Variants in SF3B6 observed in about 807,000 individuals in gnomAD.
The protein encoded by SF3B6 is SF3b 14 kDa subunit.
A neutral mutation model predicts 15.9 loss-of-function variants in SF3B6; 3 were observed. The observed-to-expected ratio is 0.19, with a 90% CI of 0.09 to 0.49. The LOEUF (loss-of-function observed/expected upper bound fraction) is 0.49. Among genes scored for constraint, SF3B6 ranks in the 20% least tolerant of loss-of-function variants. The pLI is 0.97. For synonymous variants in SF3B6, 49 were observed against 51.1 expected, an observed-to-expected ratio of 0.96 and a Z score of 0.18; for missense variants, 71 against 154.3, an observed-to-expected ratio of 0.46 and a Z score of 2.86.
intron 1 of SF3B6, among the ~76,000 whole-genome samples, chr2:24,074,808 T>TA (rs1664705590): frequency 1.3e-5 from 2 of 152,204 alleles, no homozygotes; most frequent in African/African-American, 4.8e-5. Flanking sequence ...GGCATAAAGA[T>TA]ACACCTATAT....
chr2:24,068,258 C>G, intron 3 of SF3B6, 63 bp downstream of exon 3: 1 of 1,523,850 alleles, frequency 6.6e-7, no homozygotes, highest in Non-Finnish European at 8.9e-7. Context: ...CCACCGCGCC[C>G]GGCCAGTTCT....
At chr2:24,068,052 C>T (rs1424715986) in intron 3 of SF3B6, among the ~76,000 whole-genome samples, 3 of 152,114 alleles carry the variant, frequency 2.0e-5, no homozygotes, top group Non-Finnish European at 4.4e-5. Flanking sequence ...AGGCTCCACC[C>T]CCTGGGGTTC....
At chr2:24,074,246 T>C (rs766902243) in intron 1 of SF3B6, 52 bp from the exon 2 acceptor site, 2 of 961,838 alleles carry the variant, frequency 2.1e-6, no homozygotes, top group Non-Finnish European at 3.2e-6. Flanking sequence ...TCTAAAAAAT[T>C]ATAATTTAAA....
intron 1 of SF3B6, among the ~76,000 whole-genome samples, chr2:24,074,609 C>T (rs1455608565): frequency 6.6e-6 from 1 of 152,132 alleles, no homozygotes; most frequent in Admixed American, 6.5e-5. Context: ...CTGCCCATCC[C>T]AGGAGATGAC....
intron 2 of SF3B6, among the ~76,000 whole-genome samples, chr2:24,070,654 G>C (rs921917249): frequency 5.3e-5 from 8 of 152,160 alleles, no homozygotes; most frequent in Non-Finnish European, 1.2e-4. Context: ...ATCCTGATTT[G>C]ACTGGGACTG....
chr2:24,069,143 G>A (rs569521966), intron 2 of SF3B6, among the ~76,000 whole-genome samples: 3 of 152,298 alleles, frequency 2.0e-5, no homozygotes, highest in East Asian at 1.9e-4. Context: ...CACCACACCC[G>A]GTCTACATTC....
At chr2:24,071,478 G>C (rs1664650581) in intron 2 of SF3B6, among the ~76,000 whole-genome samples, 1 of 152,136 alleles carries the variant, frequency 6.6e-6, no homozygotes, top group Non-Finnish European at 1.5e-5. Flanking sequence ...GCTGGTGGGT[G>C]CCTGTAATCT....
intron 3 of SF3B6, 107 bp from the exon 4 acceptor site, chr2:24,067,958 A>G (rs375217052): frequency 2.1e-5 from 19 of 899,986 alleles, no homozygotes; most frequent in Middle Eastern, 2.5e-4. Context: ...ATATCATCAC[A>G]GTACAGTTCT....
intron 2 of SF3B6, 55 bp from the exon 3 acceptor site, chr2:24,068,514 T>G: frequency 6.7e-7 from 1 of 1,489,974 alleles, no homozygotes; most frequent in South Asian, 1.3e-5. Context: ...GCATTGATAG[T>G]TGACTTACAG....
intron 2 of SF3B6, among the ~76,000 whole-genome samples, chr2:24,072,819 T>C (rs1037089972): frequency 1.5e-4 from 23 of 152,186 alleles, no homozygotes; most frequent in African/African-American, 5.5e-4. Flanking sequence ...AGGCCTGAAG[T>C]AGAATCTTGT....
At chr2:24,074,260 C>A in intron 1 of SF3B6, 66 bp from the exon 2 acceptor site, 1 of 782,216 alleles carries the variant, frequency 1.3e-6, no homozygotes, top group Non-Finnish European at 2.1e-6. Flanking sequence ...ATTTAAATGC[C>A]CCTATAATTA....
chr2:24,075,582 GTT>G (rs3030919), intron 1 of SF3B6, among the ~76,000 whole-genome samples: 12,701 of 140,110 alleles, frequency 0.091, 1,426 homozygotes, highest in African/African-American at 0.28. Flanking sequence ...TCTTTTTTGA[GTT>G]TTTTTTTTTT....
In SF3B6 at chr2:24,067,613, C is replaced by A; in HGVS notation, c.*149G>T. 7 of 617,874 alleles carry A rather than the reference C, an allele frequency of 1.1e-5. No individual in the cohort carries two copies. Among genetic ancestry groups the A allele is most frequent in the Non-Finnish European group, 1.7e-5 (6 of 357,644 alleles). 38.3% of individuals were successfully genotyped at this position (617,874 alleles called of 1,614,324 possible). A position where few individuals can be genotyped will look rare whatever the true frequency, so the allele number is the denominator to read the frequency against. ...TCACAAAAAGCTACAAGTTTATTAA[C>A]ATAATGTATTCCAATATGTATCAAA... On this transcript the variant is annotated 3_prime_UTR_variant, in exon 4 of 4. Transcript: ENST00000233468.
At position 24,068,410 on chromosome 2, in the gene SF3B6, T is replaced by TGG; in HGVS notation, c.198_199insCC (p.Ile67ProfsTer45). ...TCACATGCATTCTTGGCATCAAAGATGTCCTCATAGACCACATAAGCTGTT... is the reference window on the plus strand; with the variant it reads ...TCACATGCATTCTTGGCATCAAAGATGGGTCCTCATAGACCACATAAGCTGTT... On this transcript the variant is annotated frameshift_variant, in exon 3 of 4. Transcript: ENST00000233468. LOFTEE classifies it high-confidence loss of function. 6.2e-7 allele frequency: 1 copy of TGG among 1,614,212 alleles called. No homozygotes were observed. The highest frequency in any genetic ancestry group is 8.5e-7 in the Non-Finnish European group (1 of 1,180,026).
intron 1 of SF3B6, among the ~76,000 whole-genome samples, chr2:24,075,714 A>G (rs568492440): frequency 6.6e-6 from 1 of 152,026 alleles, no homozygotes; most frequent in South Asian, 2.1e-4. Flanking sequence ...CTATTCAATA[A>G]ATATAATTGA....
intron 2 of SF3B6, among the ~76,000 whole-genome samples, chr2:24,070,886 C>T (rs10189243): frequency 0.39 from 59,573 of 152,086 alleles, 12,495 homozygotes; most frequent in African/African-American, 0.53. Context: ...GTTCTTTCTG[C>T]GACAGGCACT....
At position 24,076,292 on chromosome 2, in the gene SF3B6, C is replaced by CG. The variant is rs1378159487; in HGVS notation, c.-64dup. 1.2e-6 allele frequency: 2 copies of CG among 1,602,240 alleles called. No individual in the cohort carries two copies. Among genetic ancestry groups the CG allele is most frequent in the East Asian group, 2.2e-5 (1 of 44,818 alleles). On this transcript the variant is annotated 5_prime_UTR_variant, in exon 1 of 4. Transcript: ENST00000233468. The stretch of plus-strand genomic sequence containing the variant: ...AATTCCTCCGGAGCTCGCTCGGCTT[C>CG]GGGGGTTACACCGCGTTAGATGCAG...
chr2:24,076,274 CCGGAGCTCGCT>C lies in SF3B6; in HGVS notation c.-56_-46del. The stretch of plus-strand genomic sequence containing the variant: ...TACCGTAGCAGATACTGAAATTCCT[CCGGAGCTCGCT>C]CGGCTTCGGGGGTTACACCGCGTTA... On this transcript the variant is annotated 5_prime_UTR_variant, in exon 1 of 4. Coordinates refer to ENST00000233468, the MANE Select transcript of SF3B6 (RefSeq NM_016047.4). The C allele has an allele frequency of 6.2e-7, 1 of 1,613,652 alleles. No individual in the cohort carries two copies. The highest frequency in any genetic ancestry group is 1.1e-5 in the South Asian group (1 of 91,072).
intron 2 of SF3B6, among the ~76,000 whole-genome samples, chr2:24,072,321 C>G (rs1007774473): frequency 6.6e-6 from 1 of 152,140 alleles, no homozygotes; most frequent in African/African-American, 2.4e-5. Flanking sequence ...ATTTAGTATA[C>G]ATCGGGTGCT....
Sources: allele counts gnomAD v4.1 joint callset (sites outside exome capture counted in the v4.1 genomes callset), GRCh38; gene constraint gnomAD v4.1.1; transcripts MANE v1.5; gene names NCBI Gene and HGNC (gene_info 2026-07-23, HGNC 2026-07-21).